Variants in CTNNA3 observed in about 807,000 individuals in gnomAD.
CTNNA3 encodes the protein catenin alpha 3.
A neutral mutation model predicts 95.7 loss-of-function variants in CTNNA3; 76 were observed. The observed-to-expected ratio is 0.79, with a 90% CI of 0.66 to 0.96. The LOEUF is 0.96. Among genes scored for constraint, CTNNA3 ranks in the 40% least tolerant of loss-of-function variants. The pLI is 0.00. For missense variants in CTNNA3, 1,191 were observed against 1,089.8 expected (o/e 1.09, Z -1.31); for synonymous variants, 431 against 374.4 (o/e 1.15, Z -1.74).
chr10:67,001,313 G>GA (rs1032315725), intron 7 of CTNNA3, among the ~76,000 whole-genome samples: 119 of 139,424 alleles, frequency 8.5e-4, no homozygotes, highest in South Asian at 1.6e-3. Flanking sequence ...AAAAAAAAAA[G>GA]AAAAAAAAAG....
chr10:66,609,227 A>AT (rs902088615), intron 10 of CTNNA3, among the ~76,000 whole-genome samples: 5 of 150,560 alleles, frequency 3.3e-5, no homozygotes, highest in East Asian at 2.0e-4. Flanking sequence ...GCCAGGCTAA[A>AT]TTTTTTTTGT....
intron 7 of CTNNA3, among the ~76,000 whole-genome samples, chr10:66,817,519 A>T (rs1172078527): frequency 1.3e-5 from 2 of 152,060 alleles, no homozygotes; most frequent in African/African-American, 4.8e-5. Flanking sequence ...TTTAAATATT[A>T]TAAGGAATAG....
Position 66,153,315 on chromosome 10 carries a change from CAT to C in CTNNA3, c.1885-50068_1885-50067del, listed in dbSNP as rs147458150. Reference sequence around the variant, plus strand: ...CGTCTCAGGGTTGGACTCTGTTAATCATATATTTTTTCTTTGAATGTGAAGCC... The same window carrying C: ...CGTCTCAGGGTTGGACTCTGTTAATCATATTTTTTCTTTGAATGTGAAGCC... On this transcript the variant is annotated intron_variant, in intron 13 of 17. Transcript: ENST00000433211. Among the ~76,000 whole-genome samples, 1,000 of 152,008 alleles carry C rather than the reference CAT, an allele frequency of 6.6e-3. 21 individuals carry two copies. The highest frequency in any genetic ancestry group is 0.022 in the African/African-American group (933 of 41,504).
intron 5 of CTNNA3, among the ~76,000 whole-genome samples, chr10:67,234,542 C>T (rs955271323): frequency 1.3e-5 from 2 of 152,004 alleles, no homozygotes; most frequent in South Asian, 4.2e-4. Context: ...TATGACAAAC[C>T]CACAGCCAAT....
At chr10:67,222,816 G>A (rs1431145836) in intron 5 of CTNNA3, among the ~76,000 whole-genome samples, 2 of 151,986 alleles carry the variant, frequency 1.3e-5, no homozygotes, top group Admixed American at 1.3e-4. Flanking sequence ...TTATTTAGAA[G>A]GACAGTGTCA....
chr10:67,342,099 CTTT>C (rs764381058), intron 5 of CTNNA3, among the ~76,000 whole-genome samples: 1 of 83,660 alleles, frequency 1.2e-5, no homozygotes, highest in Admixed American at 1.8e-4. Context: ...TATTTTTCTT[CTTT>C]TTTTTTTTTT....
intron 13 of CTNNA3, among the ~76,000 whole-genome samples, chr10:66,270,477 A>G (rs1167680149): frequency 6.6e-6 from 1 of 152,180 alleles, no homozygotes; most frequent in African/African-American, 2.4e-5. Flanking sequence ...AAGTGCTGGG[A>G]TTATAGATAT....
chr10:66,957,555 G>A (rs1176866804), intron 7 of CTNNA3, among the ~76,000 whole-genome samples: 1 of 151,336 alleles, frequency 6.6e-6, no homozygotes, highest in Non-Finnish European at 1.5e-5. Context: ...AGAGTCCTGG[G>A]TCCCAGTCCC....
At chr10:66,775,079 G>T (rs569294761) in intron 8 of CTNNA3, among the ~76,000 whole-genome samples, 1 of 152,064 alleles carries the variant, frequency 6.6e-6, no homozygotes, top group Non-Finnish European at 1.5e-5. Flanking sequence ...CTTGCTATGG[G>T]TCAGGCACTT....
chr10:66,350,876 C>T (rs1422564570), intron 12 of CTNNA3, among the ~76,000 whole-genome samples: 1 of 151,990 alleles, frequency 6.6e-6, no homozygotes, highest in East Asian at 1.9e-4. Context: ...CACAGAAGGA[C>T]TCCTCCAGAT....
chr10:67,208,685 CA>C (rs1437693848), intron 6 of CTNNA3, among the ~76,000 whole-genome samples: 1 of 151,996 alleles, frequency 6.6e-6, no homozygotes, highest in African/African-American at 2.4e-5. Flanking sequence ...AAATATATAC[CA>C]AGTCCTTAAT....
intron 9 of CTNNA3, among the ~76,000 whole-genome samples, chr10:66,703,924 G>T (rs750091552): frequency 6.6e-6 from 1 of 152,214 alleles, no homozygotes; most frequent in African/African-American, 2.4e-5. Flanking sequence ...ACCAGAAGAT[G>T]CTTTATCACT....
chr10:66,734,281 TTTAAG>T (rs1254761391), intron 9 of CTNNA3, among the ~76,000 whole-genome samples: 1 of 152,020 alleles, frequency 6.6e-6, no homozygotes, highest in Non-Finnish European at 1.5e-5. Context: ...AACAACACCT[TTTAAG>T]TTGTTTTTCT....
chr10:66,954,865 G>A (rs1355232064), intron 7 of CTNNA3, among the ~76,000 whole-genome samples: 2 of 152,092 alleles, frequency 1.3e-5, no homozygotes, highest in African/African-American at 4.8e-5. Context: ...GACTAGACCT[G>A]GAGCTGTGGA....
At chr10:66,041,176 C>T (rs2079679851) in intron 15 of CTNNA3, among the ~76,000 whole-genome samples, 1 of 152,076 alleles carries the variant, frequency 6.6e-6, no homozygotes, top group African/African-American at 2.4e-5. Flanking sequence ...AATGAGAAAA[C>T]ATCAATCCAA....
Position 66,459,786 on chromosome 10 carries a change from G to A in CTNNA3, c.1531+60831C>T, listed in dbSNP as rs1204768437. Among the ~76,000 whole-genome samples the A allele has an allele frequency of 2.6e-5, 4 of 152,028 alleles. No homozygotes were observed. The East Asian group carries it at 7.7e-4, about 29-fold the overall frequency. On this transcript the variant is annotated intron_variant, in intron 11 of 17. Coordinates refer to ENST00000433211, the MANE Select transcript of CTNNA3 (RefSeq NM_013266.4). ...TTAAACATATGAAAACATAGAAAAG[G>A]TACAGTAAAAATAAAGTTTTATAAT...
chr10:67,185,231 G>A (rs920644737), intron 6 of CTNNA3, among the ~76,000 whole-genome samples: 4 of 151,756 alleles, frequency 2.6e-5, no homozygotes, highest in South Asian at 2.1e-4. Context: ...AAATTCAAGC[G>A]ACTCTCTTGC....
chr10:66,540,871 T>A (rs926682059), intron 10 of CTNNA3, among the ~76,000 whole-genome samples: 1 of 152,132 alleles, frequency 6.6e-6, no homozygotes, highest in Admixed American at 6.6e-5. Flanking sequence ...TGTTATTCCC[T>A]CTCAGGCTTT....
intron 7 of CTNNA3, among the ~76,000 whole-genome samples, chr10:66,867,251 C>T (rs1564733573): frequency 1.3e-5 from 2 of 152,184 alleles, no homozygotes; most frequent in African/African-American, 4.8e-5. Flanking sequence ...AACTCAAAAA[C>T]TCCATGTGTA....
Sources: allele counts gnomAD v4.1 joint callset (sites outside exome capture counted in the v4.1 genomes callset), GRCh38; gene constraint gnomAD v4.1.1; transcripts MANE v1.5; gene names NCBI Gene and HGNC (gene_info 2026-07-23, HGNC 2026-07-21).